DCLRE1A: variants seen among roughly 807,000 people sequenced by gnomAD.
DCLRE1A encodes DNA cross-link repair 1A.
Under a neutral mutation model 91.9 loss-of-function variants are expected in DCLRE1A, and 64 were observed. That is an observed-to-expected ratio of 0.70 (90% CI 0.57 to 0.86). The LOEUF is 0.86. Among genes scored for constraint, DCLRE1A ranks in the 40% least tolerant of loss-of-function variants. The pLI is 0.00. For missense variants in DCLRE1A, 1,145 were observed against 1,213.3 expected (o/e 0.94, Z 0.84); for synonymous variants, 416 against 431.1 (o/e 0.96, Z 0.43).
chr10:113,841,658 A>T (rs1845447545), intron 6 of DCLRE1A, 98 bp from the exon 7 acceptor site: 2 of 1,283,086 alleles, frequency 1.6e-6, no homozygotes, highest in African/African-American at 3.0e-5. Context: ...ACCAAATAAA[A>T]GGAAATTCAA....
chr10:113,850,830 T>C (rs1324625916), intron 1 of DCLRE1A, among the ~76,000 whole-genome samples, 186 bp from the exon 2 acceptor site: 3 of 152,180 alleles, frequency 2.0e-5, no homozygotes, highest in Admixed American at 6.5e-5. Context: ...ATTCTAAGAA[T>C]AGAATTTGAG....
chr10:113,843,023 T>TACAC (rs10527278), intron 5 of DCLRE1A, among the ~76,000 whole-genome samples: 38 of 145,982 alleles, frequency 2.6e-4, no homozygotes, highest in South Asian at 8.9e-4. Context: ...TGTACATGTG[T>TACAC]ACACACACAC....
At chr10:113,837,923 G>A (rs568270099) in intron 7 of DCLRE1A, among the ~76,000 whole-genome samples, 28 of 152,116 alleles carry the variant, frequency 1.8e-4, no homozygotes, top group Middle Eastern at 6.8e-3. Context: ...ATAATGGCAC[G>A]AGGGATACAA....
chr10:113,844,132 T>C lies in DCLRE1A; in HGVS notation c.2491A>G (p.Lys831Glu), dbSNP rs1845491137. 2 of 1,614,182 alleles carry C rather than the reference T, an allele frequency of 1.2e-6. No individual in the cohort carries two copies. The highest frequency in any genetic ancestry group is 1.7e-6 in the Non-Finnish European group (2 of 1,180,012). Reference sequence around the variant, plus strand: ...GTATCTAAGTACAGCATATGGACTTTCTGGTCCGCAAGAAGAGAACGTTCC... The same window carrying C: ...GTATCTAAGTACAGCATATGGACTTCCTGGTCCGCAAGAAGAGAACGTTCC... Reference protein sequence around the residue: ...SMERSLLADQKVHMLYLDTTY... With the variant: ...SMERSLLADQEVHMLYLDTTY... Residue 831 changes from lysine (K) to glutamate (E), a missense_variant, in exon 5 of 9, where the codon AAA becomes GAA. Coordinates refer to ENST00000361384, the MANE Select transcript of DCLRE1A (RefSeq NM_014881.5).
At chr10:113,837,267 A>G in intron 7 of DCLRE1A, 64 bp from the exon 8 acceptor site, 1 of 1,467,192 alleles carries the variant, frequency 6.8e-7, no homozygotes, top group Non-Finnish European at 9.1e-7. Context: ...AAACAGACTG[A>G]TTAAAGATGT....
At chr10:113,843,023 TACACAC>T (rs10527278) in intron 5 of DCLRE1A, among the ~76,000 whole-genome samples, 47,665 of 145,672 alleles carry the variant, frequency 0.33, 7,557 homozygotes, top group East Asian at 0.39. Flanking sequence ...TGTACATGTG[TACACAC>T]ACACACACAC....
At position 113,849,638 on chromosome 10, in the gene DCLRE1A, T is replaced by C; in HGVS notation, c.1467A>G (p.Leu489=). The change falls in exon 2 of 9, where the codon TTA becomes TTG. Residue 489 remains leucine, a synonymous_variant. Transcript: ENST00000361384. The part of the protein sequence containing the change: ...SQPTQNTIRK[L]SSENLNAKNN... Reference sequence around the variant, plus strand: ...TCTTAGCATTCAAGTTCTCACTTGATAATTTTCTAATTGTATTTTGGGTTG... The same window carrying C: ...TCTTAGCATTCAAGTTCTCACTTGACAATTTTCTAATTGTATTTTGGGTTG... The C allele has an allele frequency of 3.7e-6, 6 of 1,614,218 alleles. No individual in the cohort carries two copies. Among genetic ancestry groups the C allele is most frequent in the Non-Finnish European group, 5.1e-6 (6 of 1,180,048 alleles).
In DCLRE1A at chr10:113,845,773, G is replaced by C. The variant is rs769649488; in HGVS notation, c.2290C>G (p.His764Asp). The change falls in exon 4 of 9, where the codon CAT (histidine) becomes GAT (aspartate). Residue 764 changes from histidine to aspartate, a missense_variant. Physicochemically the swap from His to Asp is moderately conservative, Grantham distance 81. Transcript: ENST00000361384. The stretch of plus-strand genomic sequence containing the variant: ...GGGTGAATATATTGTTCTTGCACAT[G>C]AAGCTTGTTCTTCAACAAATTGCCA... Reference protein sequence around the residue: ...ITGNLLKNKLHVQEQYIHPLP... With the variant: ...ITGNLLKNKLDVQEQYIHPLP... 1 of 1,614,018 alleles carries C rather than the reference G, an allele frequency of 6.2e-7. No homozygotes were observed. Among genetic ancestry groups the C allele is most frequent in the Non-Finnish European group, 8.5e-7 (1 of 1,180,018 alleles).
intron 6 of DCLRE1A, 56 bp downstream of exon 6, chr10:113,842,287 A>G: frequency 7.0e-7 from 1 of 1,422,570 alleles, no homozygotes; most frequent in Non-Finnish European, 9.5e-7. Flanking sequence ...GCATTATGCA[A>G]AAAGAATCTG....
intron 2 of DCLRE1A, 42 bp downstream of exon 2, chr10:113,848,938 G>A (rs765866010): frequency 4.3e-5 from 67 of 1,543,940 alleles, no homozygotes; most frequent in South Asian, 2.0e-4. Context: ...GTTCAAAAAC[G>A]TTGTCTTTGT....
At position 113,844,253 on chromosome 10, in the gene DCLRE1A, A is replaced by C; in HGVS notation, c.2379-9T>G. On this transcript the variant is annotated splice_polypyrimidine_tract_variant and intron_variant, in intron 4 of 8. Coordinates refer to ENST00000361384, the MANE Select transcript of DCLRE1A (RefSeq NM_014881.5). ...TGACAGCACCTGGACAGCTGAACACAAATGTCAAAGGAATGTTCATAACAC... is the reference window on the plus strand; with the variant it reads ...TGACAGCACCTGGACAGCTGAACACCAATGTCAAAGGAATGTTCATAACAC... 6.2e-7 allele frequency: 1 copy of C among 1,613,416 alleles called. No homozygotes were observed.
At chr10:113,839,456 T>C (rs1845414019) in intron 7 of DCLRE1A, among the ~76,000 whole-genome samples, 1 of 151,932 alleles carries the variant, frequency 6.6e-6, no homozygotes, top group Non-Finnish European at 1.5e-5. Context: ...GAATGTATCA[T>C]CTATTCAAAA....
At chr10:113,848,959 A>C in intron 2 of DCLRE1A, 21 bp downstream of exon 2, 4 of 1,597,202 alleles carry the variant, frequency 2.5e-6, no homozygotes, top group Non-Finnish European at 3.4e-6. Context: ...TGATATATCG[A>C]GTATTGACAT....
chr10:113,835,851 C>T (rs1475497099), intron 8 of DCLRE1A, among the ~76,000 whole-genome samples: 3 of 152,166 alleles, frequency 2.0e-5, no homozygotes, highest in East Asian at 3.8e-4. Flanking sequence ...AGAAGAATTG[C>T]TTGAACCCAG....
intron 7 of DCLRE1A, among the ~76,000 whole-genome samples, chr10:113,840,845 G>A (rs554430598): frequency 6.6e-6 from 1 of 152,292 alleles, no homozygotes; most frequent in East Asian, 1.9e-4. Flanking sequence ...ACGTTAGTTA[G>A]TATATGAATA....
chr10:113,852,506 T>C (rs1204497501), intron 1 of DCLRE1A, among the ~76,000 whole-genome samples: 1 of 152,260 alleles, frequency 6.6e-6, no homozygotes, highest in Non-Finnish European at 1.5e-5. Flanking sequence ...ATAATCCAGA[T>C]ACTTAGGAAC....
At position 113,852,956 on chromosome 10, in the gene DCLRE1A, A is replaced by C. The variant is rs777624694; in HGVS notation, c.227T>G (p.Val76Gly). The C allele has an allele frequency of 8.9e-5, 143 of 1,614,016 alleles. No homozygotes were observed. In the South Asian group the frequency reaches 1.4e-3, roughly 16 times the overall value. The stretch of plus-strand genomic sequence containing the variant: ...ACAACTTGAATTCTGACTAGAAGCA[A>C]CAGAAGTCTGACAACCTGCATTTCC... ...PLGNAGCQTS[V>G]ASSQNSSCGD... is the part of the protein sequence containing the mutation. Residue 76 changes from valine (V) to glycine (G), a missense_variant, in exon 1 of 9, where the codon GTT becomes GGT. Transcript: ENST00000361384.
intron 1 of DCLRE1A, 103 bp from the exon 2 acceptor site, chr10:113,850,747 G>T: frequency 1.1e-6 from 1 of 883,210 alleles, no homozygotes; most frequent in Non-Finnish European, 1.6e-6. Context: ...TATCCACATT[G>T]CATATAATAA....
Position 113,842,366 on chromosome 10 carries a change from A to G in DCLRE1A, c.2642T>C (p.Ile881Thr), listed in dbSNP as rs147712529. Residue 881 changes from isoleucine (I) to threonine (T), a missense_variant, in exon 6 of 9, where the codon ATT becomes ACT. Coordinates refer to ENST00000361384, the MANE Select transcript of DCLRE1A (RefSeq NM_014881.5). The part of the protein sequence containing the change: ...HALVVCGTYS[I>T]GKEKVFLAIA... Reference sequence around the variant, plus strand: ...ACCTAGGAAGACTTTCTCTTTTCCAATAGAGTAAGTGCCACAGACAACAAG... The same window carrying G: ...ACCTAGGAAGACTTTCTCTTTTCCAGTAGAGTAAGTGCCACAGACAACAAG... The G allele has an allele frequency of 9.2e-5, 148 of 1,613,604 alleles. No homozygotes were observed. The African/African-American group carries it at 1.7e-3, about 19-fold the overall frequency.
Sources: allele counts gnomAD v4.1 joint callset (sites outside exome capture counted in the v4.1 genomes callset), GRCh38; gene constraint gnomAD v4.1.1; transcripts MANE v1.5; gene names NCBI Gene and HGNC (gene_info 2026-07-23, HGNC 2026-07-21).